ZCCHC7: variants seen among roughly 807,000 people sequenced by gnomAD.
ZCCHC7 encodes the protein zinc finger CCHC domain-containing protein 7.
ZCCHC7 carries 35 observed loss-of-function variants against 52.0 expected under a neutral mutation model. That is an observed-to-expected ratio of 0.67 (90% CI 0.51 to 0.89). The LOEUF (loss-of-function observed/expected upper bound fraction) is 0.89. ZCCHC7 is among the 40% of genes least tolerant of loss of function. ZCCHC7 has a pLI of 0.00. For synonymous variants in ZCCHC7, 217 were observed against 221.5 expected, an observed-to-expected ratio of 0.98 and a Z score of 0.18; for missense variants, 574 against 649.1, an observed-to-expected ratio of 0.88 and a Z score of 1.26.
At chr9:37,172,837 T>C (rs143643432) in intron 2 of ZCCHC7, among the ~76,000 whole-genome samples, 2 of 151,626 alleles carry the variant, frequency 1.3e-5, no homozygotes, top group East Asian at 3.9e-4. Flanking sequence ...AATGTGGGCA[T>C]TGCAGTAGGG....
At chr9:37,221,378 G>C (rs1235081249) in intron 2 of ZCCHC7, among the ~76,000 whole-genome samples, 2 of 152,156 alleles carry the variant, frequency 1.3e-5, no homozygotes, top group African/African-American at 4.8e-5. Flanking sequence ...TAATGTAGCA[G>C]CTATTATAAA....
chr9:37,149,207 G>A (rs992948638), intron 2 of ZCCHC7, among the ~76,000 whole-genome samples: 1 of 152,000 alleles, frequency 6.6e-6, no homozygotes, highest in Non-Finnish European at 1.5e-5. Flanking sequence ...TGTACAGTAT[G>A]GTATAGAATT....
intron 6 of ZCCHC7, among the ~76,000 whole-genome samples, chr9:37,346,143 C>T (rs1820955115): frequency 6.6e-6 from 1 of 152,114 alleles, no homozygotes; most frequent in Non-Finnish European, 1.5e-5. Context: ...GCTGGGATTA[C>T]AGGCATGCAC....
intron 2 of ZCCHC7, among the ~76,000 whole-genome samples, chr9:37,141,919 C>T (rs758243122): frequency 6.6e-6 from 1 of 151,756 alleles, no homozygotes; most frequent in Non-Finnish European, 1.5e-5. Flanking sequence ...AATTTAAGTC[C>T]TTGAAGTGCT....
At chr9:37,143,696 T>C (rs1201415780) in intron 2 of ZCCHC7, among the ~76,000 whole-genome samples, 5 of 151,774 alleles carry the variant, frequency 3.3e-5, no homozygotes, top group Non-Finnish European at 7.4e-5. Context: ...ATTTGACAGA[T>C]TTCACAAAAT....
At chr9:37,190,789 C>T (rs558078520) in intron 2 of ZCCHC7, among the ~76,000 whole-genome samples, 7 of 152,030 alleles carry the variant, frequency 4.6e-5, no homozygotes, top group Admixed American at 6.5e-5. Flanking sequence ...GAGGCTGAGG[C>T]GGGTGGATCA....
intron 2 of ZCCHC7, among the ~76,000 whole-genome samples, chr9:37,222,491 C>T (rs985309198): frequency 6.6e-6 from 1 of 151,530 alleles, no homozygotes; most frequent in Non-Finnish European, 1.5e-5. Context: ...CTGCTCCATA[C>T]TATACATCAA....
intron 3 of ZCCHC7, among the ~76,000 whole-genome samples, chr9:37,302,847 G>T (rs1233875652): frequency 2.0e-5 from 3 of 152,130 alleles, no homozygotes; most frequent in Non-Finnish European, 4.4e-5. Context: ...TAGAATATGG[G>T]ACAGTTAGAA....
Position 37,357,376 on chromosome 9 carries a change from G to C in ZCCHC7, c.*108G>C. ...TATGATTAAATAAAGTGAGTTTTTG[G>C]TTTTGTTTTTTTAATTTCAGCCATT... On this transcript the variant is annotated 3_prime_UTR_variant, in exon 9 of 9. Transcript: ENST00000336755. 1 of 1,169,450 alleles carries C rather than the reference G, an allele frequency of 8.6e-7. No individual in the cohort carries two copies. The highest frequency in any genetic ancestry group is 1.2e-6 in the Non-Finnish European group (1 of 867,182). 72.4% of individuals were successfully genotyped at this position (1,169,450 alleles called of 1,614,324 possible). A position where few individuals can be genotyped will look rare whatever the true frequency, so the allele number is the denominator to read the frequency against.
intron 2 of ZCCHC7, among the ~76,000 whole-genome samples, chr9:37,178,904 A>G (rs1822200843): frequency 6.6e-6 from 1 of 152,384 alleles, no homozygotes; most frequent in South Asian, 2.1e-4. Context: ...AATGATCTGT[A>G]TGATGACTGA....
intron 2 of ZCCHC7, among the ~76,000 whole-genome samples, chr9:37,210,619 A>G (rs796223270): frequency 7.2e-5 from 11 of 152,342 alleles, no homozygotes; most frequent in African/African-American, 2.4e-4. Flanking sequence ...ACTAAATATA[A>G]CTATTTAACC....
At chr9:37,134,104 A>G (rs1218750038) in intron 2 of ZCCHC7, among the ~76,000 whole-genome samples, 2 of 152,150 alleles carry the variant, frequency 1.3e-5, no homozygotes, top group African/African-American at 4.8e-5. Context: ...TTTCATCATC[A>G]CATACCCAGC....
At chr9:37,271,763 T>C (rs987996200) in intron 2 of ZCCHC7, among the ~76,000 whole-genome samples, 4 of 151,902 alleles carry the variant, frequency 2.6e-5, no homozygotes, top group African/African-American at 9.7e-5. Flanking sequence ...AGAGTCGAGG[T>C]TTCACCATGT....
Position 37,126,940 on chromosome 9 carries a change from A to G in ZCCHC7, c.608A>G (p.Glu203Gly). 2 of 1,612,862 alleles carry G rather than the reference A, an allele frequency of 1.2e-6. No individual in the cohort carries two copies. Among genetic ancestry groups the G allele is most frequent in the Non-Finnish European group, 1.7e-6 (2 of 1,179,736 alleles). ...NLVGCENSVT[E>G]GEDGINWSIS... Reference sequence around the variant, plus strand: ...GTGGGATGTGAAAACTCTGTTACTGAAGGTTAGTATCATATTGGCCATTTT... The same window carrying G: ...GTGGGATGTGAAAACTCTGTTACTGGAGGTTAGTATCATATTGGCCATTTT... The change falls in exon 2 of 9, where the codon GAA (glutamate) becomes GGA (glycine). Residue 203 changes from glutamate (E) to glycine (G), a missense_variant and splice_region_variant. By Grantham distance (98) the Glu-to-Gly change is moderately conservative (BLOSUM62 -2). Coordinates refer to ENST00000336755, the MANE Select transcript of ZCCHC7 (RefSeq NM_032226.3).
intron 2 of ZCCHC7, among the ~76,000 whole-genome samples, chr9:37,267,848 C>T (rs1442764938): frequency 6.6e-6 from 1 of 152,024 alleles, no homozygotes; most frequent in African/African-American, 2.4e-5. Flanking sequence ...AGATTACAGG[C>T]GTGAGCCACC....
intron 7 of ZCCHC7, among the ~76,000 whole-genome samples, chr9:37,353,970 G>A (rs1316314090): frequency 6.6e-6 from 1 of 152,222 alleles, no homozygotes; most frequent in Non-Finnish European, 1.5e-5. Flanking sequence ...CTGCTATGTG[G>A]TGAGTGGTTC....
chr9:37,352,161 A>C (rs960895193), intron 7 of ZCCHC7, among the ~76,000 whole-genome samples: 2 of 152,252 alleles, frequency 1.3e-5, no homozygotes, highest in Non-Finnish European at 2.9e-5. Flanking sequence ...AGCTCTGTGT[A>C]GTCACATCAG....
At chr9:37,185,944 T>G (rs914431845) in intron 2 of ZCCHC7, among the ~76,000 whole-genome samples, 12 of 152,082 alleles carry the variant, frequency 7.9e-5, no homozygotes, top group Admixed American at 3.9e-4. Flanking sequence ...ATTTATTTAT[T>G]TATTTTTACA....
chr9:37,252,676 T>C (rs1826386381), intron 2 of ZCCHC7, among the ~76,000 whole-genome samples: 1 of 152,182 alleles, frequency 6.6e-6, no homozygotes, highest in Non-Finnish European at 1.5e-5. Context: ...TTGTTTTAAC[T>C]TAGATTACCA....
Sources: gnomAD v4.1 joint callset for allele counts (sites outside exome capture counted in the v4.1 genomes callset) on GRCh38, gnomAD v4.1.1 for gene constraint, MANE v1.5 for transcripts, NCBI Gene and HGNC (gene_info 2026-07-23, HGNC 2026-07-21) for gene names.